TFG: variants seen among roughly 807,000 people sequenced by gnomAD.
TFG encodes protein TFG.
Under a neutral mutation model 51.4 loss-of-function variants are expected in TFG, and 22 were observed. The ratio of observed to expected loss-of-function variants is 0.43; its 90% CI spans 0.31 to 0.61. The LOEUF (loss-of-function observed/expected upper bound fraction) is 0.61, where lower values mean the gene tolerates loss of function less well. Ranked by LOEUF, TFG falls within the 20% of genes least tolerant of loss-of-function variation. The pLI, the probability that TFG is intolerant of heterozygous loss-of-function variation, is 0.12. For missense variants in TFG, 419 were observed against 487.7 expected, an observed-to-expected ratio of 0.86 and a Z score of 1.33; for synonymous variants, 187 against 165.6, an observed-to-expected ratio of 1.13 and a Z score of -0.99.
chr3:100,709,463 G>A (rs988070406), upstream of TFG: 1 of 152,222 alleles, frequency 6.6e-6, no homozygotes, highest in Non-Finnish European at 1.5e-5. Context: ...AGGGGCGAAA[G>A]GACATTTTTT....
chr3:100,724,744 C>T (rs1458457318), intron 3 of TFG, among the ~76,000 whole-genome samples: 3 of 152,164 alleles, frequency 2.0e-5, no homozygotes, highest in Non-Finnish European at 4.4e-5. Flanking sequence ...ACACCAGTGT[C>T]AAAATTGCTC....
At chr3:100,725,569 G>C (rs929892958) in intron 3 of TFG, among the ~76,000 whole-genome samples, 3 of 148,608 alleles carry the variant, frequency 2.0e-5, no homozygotes, top group Non-Finnish European at 4.4e-5. Flanking sequence ...ACGAGGTCAG[G>C]AGTTCGAGAC....
intron 3 of TFG, among the ~76,000 whole-genome samples, chr3:100,721,272 C>T (rs2095060079): frequency 2.0e-5 from 3 of 151,730 alleles, no homozygotes; most frequent in African/African-American, 4.8e-5. Flanking sequence ...GGGAAATATC[C>T]AGGGAACAAA....
intron 6 of TFG, among the ~76,000 whole-genome samples, chr3:100,740,670 T>C (rs1404434317): frequency 6.6e-6 from 1 of 152,186 alleles, no homozygotes; most frequent in African/African-American, 2.4e-5. Flanking sequence ...ATAAATGCTA[T>C]ACATGTGCAG....
In TFG at chr3:100,711,748, G is replaced by A. The variant is rs191484683; in HGVS notation, c.-43-1895G>A. Among the ~76,000 whole-genome samples, 29 of 152,276 alleles carry A rather than the reference G, an allele frequency of 1.9e-4. 1 individual carries two copies. Among genetic ancestry groups the A allele is most frequent in the Non-Finnish European group, 2.9e-4 (20 of 68,026 alleles). ...TTTACACTTCTTGTAGGAAGGAGAA[G>A]GTAACAAATACATTGATTTATTGAA... is the stretch of plus-strand genomic sequence containing the variant. On this transcript the variant is annotated intron_variant, in intron 1 of 7. Coordinates refer to ENST00000240851, the MANE Select transcript of TFG (RefSeq NM_006070.6).
At chr3:100,712,280 A>T (rs149306856) in intron 1 of TFG, among the ~76,000 whole-genome samples, 5 of 152,274 alleles carry the variant, frequency 3.3e-5, no homozygotes, top group African/African-American at 1.2e-4. Flanking sequence ...ACTTTTTTGA[A>T]GTACTTGAAG....
intron 4 of TFG, 82 bp from the exon 5 acceptor site, chr3:100,732,426 C>A: frequency 1.1e-6 from 1 of 897,468 alleles, no homozygotes; most frequent in Admixed American, 2.4e-5. Context: ...TATACACCTG[C>A]ATTATTTCCC....
At chr3:100,736,522 G>T (rs2095106722) in intron 5 of TFG, 54 bp from the exon 6 acceptor site, 2 of 1,585,160 alleles carry the variant, frequency 1.3e-6, no homozygotes, top group Admixed American at 3.5e-5. Context: ...CCTTGAGCTT[G>T]CTGGGGGAAG....
Position 100,748,527 on chromosome 3 carries a change from G to C in TFG, c.1199G>C (p.Arg400Pro), listed in dbSNP as rs963151000. 5.0e-6 allele frequency: 8 copies of C among 1,609,582 alleles called. No individual in the cohort carries two copies. The highest frequency in any genetic ancestry group is 6.8e-6 in the Non-Finnish European group (8 of 1,176,960). Residue 400 changes from arginine to proline, a missense_variant, in exon 8 of 8, where the codon CGA becomes CCA. Around this residue, in one of 3 missense-constraint regions of TFG, gnomAD observed 391 missense variants for 434.4 expected, o/e 0.90. Coordinates refer to ENST00000240851, the MANE Select transcript of TFG (RefSeq NM_006070.6). ...TATACCCAACCTGGACCTGGTTATC[G>C]ATAAGGAGGCTCCTCTACACCAATT... is the stretch of plus-strand genomic sequence containing the variant. ...QGYTQPGPGY[R>P]
At chr3:100,713,944 A>G (rs2095038300) in intron 2 of TFG, 75 bp downstream of exon 2, 1 of 988,468 alleles carries the variant, frequency 1.0e-6, no homozygotes, top group South Asian at 2.0e-5. Context: ...TCTGTTGCCC[A>G]GGCTGGAGTA....
chr3:100,715,870 C>G (rs2095044441), intron 2 of TFG, among the ~76,000 whole-genome samples: 1 of 151,950 alleles, frequency 6.6e-6, no homozygotes, highest in African/African-American at 2.4e-5. Context: ...CCATGCCCAG[C>G]CTACAATTCA....
chr3:100,709,494 G>C lies in TFG; in HGVS notation c.-271G>C, dbSNP rs2095022798. 1 of 152,396 alleles carries C rather than the reference G, an allele frequency of 6.6e-6. No homozygotes were observed. Among genetic ancestry groups the C allele is most frequent in the Admixed American group, 6.5e-5 (1 of 15,270 alleles). The allele number at this position is 152,396 out of a possible 1,614,324, so 9.4% of individuals were successfully genotyped here. A position where few individuals can be genotyped will look rare whatever the true frequency, so the allele number is the denominator to read the frequency against. ...TTTTTTTTTTCTTGCTCCCGCCTCT[G>C]TTCTTCCCCCACCTGCCACGTACAG... On this transcript the variant is annotated 5_prime_UTR_variant, in exon 1 of 8. Coordinates refer to ENST00000240851, the MANE Select transcript of TFG (RefSeq NM_006070.6).
intron 6 of TFG, chr3:100,742,989 A>G (rs2095125420): frequency 6.6e-6 from 1 of 152,170 alleles, no homozygotes; most frequent in South Asian, 2.1e-4. Flanking sequence ...TGATGACCAC[A>G]GTCTACTACT....
chr3:100,724,253 T>A (rs1289577107), intron 3 of TFG, among the ~76,000 whole-genome samples: 1 of 152,174 alleles, frequency 6.6e-6, no homozygotes, highest in Non-Finnish European at 1.5e-5. Flanking sequence ...AACTAGAAAT[T>A]GGAATTGTTA....
intron 6 of TFG, among the ~76,000 whole-genome samples, chr3:100,742,125 CAATT>C (rs1287794134): frequency 6.6e-6 from 1 of 152,054 alleles, no homozygotes; most frequent in Non-Finnish European, 1.5e-5. Flanking sequence ...TTTTTTTAAA[CAATT>C]AAACAGACTT....
At chr3:100,718,441 A>G (rs1019039935) in intron 2 of TFG, among the ~76,000 whole-genome samples, 1 of 151,850 alleles carries the variant, frequency 6.6e-6, no homozygotes, top group Non-Finnish European at 1.5e-5. Flanking sequence ...TCACAGACCT[A>G]TAACAACACA....
intron 6 of TFG, chr3:100,743,776 C>T (rs1255742538): frequency 1.3e-5 from 2 of 151,470 alleles, no homozygotes; most frequent in Non-Finnish European, 2.9e-5. Flanking sequence ...TACTGCAGCT[C>T]GATTTGAGTG....
At position 100,732,657 on chromosome 3, in the gene TFG, G is replaced by A. The variant is rs1383802511; in HGVS notation, c.565G>A (p.Asp189Asn). 2 of 1,609,606 alleles carry A rather than the reference G, an allele frequency of 1.2e-6. No individual in the cohort carries two copies. Among genetic ancestry groups the A allele is most frequent in the Non-Finnish European group, 1.7e-6 (2 of 1,178,110 alleles). Reference protein sequence around the residue: ...KNVMSAFGLTDDQVSGPPSAP... With the variant: ...KNVMSAFGLTNDQVSGPPSAP... The stretch of plus-strand genomic sequence containing the variant: ...TGTTATGTCAGCGTTTGGCTTAACA[G>A]ATGATCAGGTTTCAGGTAAGTTGGT... The change falls in exon 5 of 8, where the codon GAT (aspartate) becomes AAT (asparagine). Residue 189 changes from aspartate (D) to asparagine (N), a missense_variant. Physicochemically the swap from Asp to Asn is conservative, Grantham distance 23. Transcript: ENST00000240851.
chr3:100,747,468 T>C (rs1363612898), intron 7 of TFG: 1 of 152,444 alleles, frequency 6.6e-6, no homozygotes, highest in African/African-American at 2.4e-5. Flanking sequence ...TGTTTCATGG[T>C]AGAGATAAAA....
Sources: gnomAD v4.1 joint callset for allele counts (sites outside exome capture counted in the v4.1 genomes callset) on GRCh38, gnomAD v4.1.1 for gene constraint, gnomAD v4.1.1 regional missense constraint, MANE v1.5 for transcripts, NCBI Gene and HGNC (gene_info 2026-07-23, HGNC 2026-07-21) for gene names.